Variants in DLC1 observed in about 807,000 individuals in gnomAD.
DLC1 encodes the protein rho GTPase-activating protein 7.
In DLC1, 54 loss-of-function variants were observed where a neutral mutation model predicts 140.3. The ratio of observed to expected loss-of-function variants is 0.38; its 90% CI spans 0.31 to 0.48. DLC1 has a LOEUF of 0.48. DLC1 is among the 20% of genes least tolerant of loss of function. The pLI, the probability that DLC1 is intolerant of heterozygous loss-of-function variation, is 0.96. For synonymous variants in DLC1, 986 were observed against 728.1 expected (o/e 1.35, Z -5.70); for missense variants, 2,536 against 1,907.0 (o/e 1.33, Z -6.14).
intron 2 of DLC1, among the ~76,000 whole-genome samples, chr8:13,454,838 C>A (rs1053285592): frequency 6.6e-6 from 1 of 152,152 alleles, no homozygotes; most frequent in Non-Finnish European, 1.5e-5. Context: ...AGGGTGTGAG[C>A]CATTGTGCCT....
intron 4 of DLC1, among the ~76,000 whole-genome samples, chr8:13,349,053 G>T (rs1834509622): frequency 6.6e-6 from 1 of 152,092 alleles, no homozygotes; most frequent in African/African-American, 2.4e-5. Flanking sequence ...ACCCCAGGCT[G>T]CACAGTCGAT....
chr8:13,139,121 CA>C (rs1287081921), intron 5 of DLC1, among the ~76,000 whole-genome samples: 1 of 151,270 alleles, frequency 6.6e-6, no homozygotes, highest in Non-Finnish European at 1.5e-5. Flanking sequence ...CATCTCTACA[CA>C]ACATTAAAAA....
In DLC1 at chr8:13,496,785, C is replaced by CTTTTTTTTTTTTTTTTTTTT. The variant is rs1491502803; in HGVS notation, c.1023+2263_1023+2264insAAAAAAAAAAAAAAAAAAAA. On this transcript the variant is annotated intron_variant, in intron 2 of 17. Coordinates refer to ENST00000276297, the MANE Select transcript of DLC1 (RefSeq NM_182643.3). Reference sequence around the variant, plus strand: ...TAATTAACAAATTCTTAGACCATTTCCTTTTTTTTTTTTTTTTTTTTTTTT... The same window carrying CTTTTTTTTTTTTTTTTTTTT: ...TAATTAACAAATTCTTAGACCATTTCTTTTTTTTTTTTTTTTTTTTCTTTTTTTTTTTTTTTTTTTTTTTT... 6.6e-3 allele frequency among the ~76,000 whole-genome samples: 57 copies of CTTTTTTTTTTTTTTTTTTTT among 8,626 alleles called. 20 individuals carry two copies. Among genetic ancestry groups the CTTTTTTTTTTTTTTTTTTTT allele is most frequent in the South Asian group, 0.028 (9 of 318 alleles). The allele number at this position is 8,626 out of a possible 152,430, so 5.7% of individuals were successfully genotyped here. A position where few individuals can be genotyped will look rare whatever the true frequency, so the allele number is the denominator to read the frequency against.
Position 13,450,919 on chromosome 8 carries a change from G to C in DLC1, c.1023+48130C>G, listed in dbSNP as rs1442809544. ...CTGGGCATGGTGGCCTGTGCCTGTAGTCCCAGCTACTCTGGAGGCTGAGGC... is the reference window on the plus strand; with the variant it reads ...CTGGGCATGGTGGCCTGTGCCTGTACTCCCAGCTACTCTGGAGGCTGAGGC... On this transcript the variant is annotated intron_variant, in intron 2 of 17. Transcript: ENST00000276297. Among the ~76,000 whole-genome samples the C allele has an allele frequency of 2.6e-5, 4 of 151,276 alleles. No homozygotes were observed. In the East Asian group the frequency reaches 7.8e-4, roughly 30 times the overall value.
At position 13,514,830 on chromosome 8, in the gene DLC1, T is replaced by C. The variant is rs1802531131; in HGVS notation, c.-354A>G. 2.5e-6 allele frequency: 1 copy of C among 393,404 alleles called. No homozygotes were observed. Among genetic ancestry groups the C allele is most frequent in the African/African-American group, 2.1e-5 (1 of 48,524 alleles). The allele number at this position is 393,404 out of a possible 1,614,324, so 24.4% of individuals were successfully genotyped here. A position where few individuals can be genotyped will look rare whatever the true frequency, so the allele number is the denominator to read the frequency against. ...ATCCTGTCAAGGCATTCCTAGTGAC[T>C]TCTGTCTACTAAATTCAGACTGAGG... On this transcript the variant is annotated 5_prime_UTR_variant, in exon 1 of 18. Coordinates refer to ENST00000276297, the MANE Select transcript of DLC1 (RefSeq NM_182643.3).
At position 13,499,943 on chromosome 8, in the gene DLC1, A is replaced by T. The variant is rs191623242; in HGVS notation, c.129T>A (p.Ser43Arg). The change falls in exon 2 of 18, where the codon AGT becomes AGA. Residue 43 changes from serine to arginine, a missense_variant. By Grantham distance (110) the Ser-to-Arg change is moderately radical. Coordinates refer to ENST00000276297, the MANE Select transcript of DLC1 (RefSeq NM_182643.3). ...CATTTAGAGTTGCATCTTTTTCCATACTTGCCTGCAAGCTGTCAGCTACTA... is the reference window on the plus strand; with the variant it reads ...CATTTAGAGTTGCATCTTTTTCCATTCTTGCCTGCAAGCTGTCAGCTACTA... ...HGLVADSLQA[S>R]MEKDATLNVD... 3 of 1,614,074 alleles carry T rather than the reference A, an allele frequency of 1.9e-6. No individual in the cohort carries two copies. The highest frequency in any genetic ancestry group is 2.5e-6 in the Non-Finnish European group (3 of 1,179,996).
At chr8:13,450,506 T>A (rs988352702) in intron 2 of DLC1, among the ~76,000 whole-genome samples, 1 of 151,202 alleles carries the variant, frequency 6.6e-6, no homozygotes, top group Non-Finnish European at 1.5e-5. Context: ...GTTACACCTT[T>A]TTAAAATTAG....
Position 13,085,890 on chromosome 8 carries a change from A to C in DLC1, c.4508T>G (p.Leu1503Trp). Residue 1503 changes from leucine to tryptophan, a missense_variant, in exon 18 of 18, where the codon TTG (leucine) becomes TGG (tryptophan). Coordinates refer to ENST00000276297, the MANE Select transcript of DLC1 (RefSeq NM_182643.3). ...GATCTTTACAACTTCAGCTGCACAC[A>C]AATGTCCAAAAGATTTTGTGTACCA... is the stretch of plus-strand genomic sequence containing the variant. Reference protein sequence around the residue: ...PEWYTKSFGHLCAAEVVKIRD... With the variant: ...PEWYTKSFGHWCAAEVVKIRD... The C allele has an allele frequency of 1.9e-6, 3 of 1,614,184 alleles. No individual in the cohort carries two copies. The highest frequency in any genetic ancestry group is 2.5e-6 in the Non-Finnish European group (3 of 1,180,026).
intron 5 of DLC1, among the ~76,000 whole-genome samples, chr8:13,157,085 G>A (rs1824310418): frequency 2.0e-5 from 3 of 152,182 alleles, no homozygotes; most frequent in South Asian, 4.1e-4. Context: ...TTTGTCATGC[G>A]TGTCACGCTG....
intron 4 of DLC1, among the ~76,000 whole-genome samples, chr8:13,373,146 G>A (rs1039459924): frequency 1.3e-5 from 2 of 152,154 alleles, no homozygotes; most frequent in Non-Finnish European, 1.5e-5. Context: ...GTCCCAAAGT[G>A]CAGGGATTAC....
chr8:13,278,023 T>G (rs1427884547), intron 5 of DLC1, among the ~76,000 whole-genome samples: 1 of 152,222 alleles, frequency 6.6e-6, no homozygotes, highest in East Asian at 1.9e-4. Flanking sequence ...ATAACTAACA[T>G]TAGTACCAAT....
In DLC1 at chr8:13,122,987, C is replaced by T. The variant is rs149374589; in HGVS notation, c.1349-7330G>A. Among the ~76,000 whole-genome samples the T allele has an allele frequency of 4.3e-3, 650 of 152,228 alleles. 3 individuals are homozygous for T. Among genetic ancestry groups the T allele is most frequent in the African/African-American group, 0.015 (629 of 41,530 alleles). ...TTCACTATTTATTGATCCAACTAGG[C>T]GTACTGCCAGCAGCTCTCAGGGAAA... On this transcript the variant is annotated intron_variant, in intron 5 of 17. Transcript: ENST00000276297.
At chr8:13,332,042 T>C (rs1729102) in intron 4 of DLC1, among the ~76,000 whole-genome samples, 130,252 of 152,190 alleles carry the variant, frequency 0.86, 56,166 homozygotes, top group East Asian at 0.95. Flanking sequence ...ATTTTTAAAC[T>C]GATAAATTAG....
At chr8:13,205,313 C>A (rs1402826407) in intron 5 of DLC1, among the ~76,000 whole-genome samples, 1 of 151,186 alleles carries the variant, frequency 6.6e-6, no homozygotes, top group Non-Finnish European at 1.5e-5. Flanking sequence ...CTATTTATAT[C>A]ATTTTTTAAT....
chr8:13,265,142 T>C (rs1460041695), intron 5 of DLC1, among the ~76,000 whole-genome samples: 1 of 152,228 alleles, frequency 6.6e-6, no homozygotes, highest in Non-Finnish European at 1.5e-5. Context: ...CATTACTTAA[T>C]GTGGTTTAAA....
At chr8:13,260,424 A>T (rs867640247) in intron 5 of DLC1, among the ~76,000 whole-genome samples, 1 of 152,224 alleles carries the variant, frequency 6.6e-6, no homozygotes. Context: ...TTAACTTCAC[A>T]TGAGGCATGA....
At chr8:13,590,899 G>A (rs1392136838) in intron 1 of DLC1, among the ~76,000 whole-genome samples, 3 of 151,974 alleles carry the variant, frequency 2.0e-5, no homozygotes, top group African/African-American at 7.2e-5. Flanking sequence ...TTCTAAAAGC[G>A]ATACTCTCAG....
chr8:13,086,197 A>G, intron 17 of DLC1, 93 bp downstream of exon 17: 1 of 1,481,778 alleles, frequency 6.7e-7, no homozygotes, highest in Non-Finnish European at 9.1e-7. Context: ...AGAAAAAATG[A>G]CGTGTTTGTT....
chr8:13,411,586 C>G (rs1837787627), intron 2 of DLC1, among the ~76,000 whole-genome samples: 1 of 152,136 alleles, frequency 6.6e-6, no homozygotes, highest in Non-Finnish European at 1.5e-5. Flanking sequence ...TTGATTGTTA[C>G]AAATGTACTA....
Sources: allele counts gnomAD v4.1 joint callset (sites outside exome capture counted in the v4.1 genomes callset), GRCh38; gene constraint gnomAD v4.1.1; transcripts MANE v1.5; gene names NCBI Gene and HGNC (gene_info 2026-07-23, HGNC 2026-07-21).